The following PELI2 variants were observed in gnomAD, a reference collection of about 807,000 sequenced individuals.
PELI2 encodes the protein pellino E3 ubiquitin protein ligase family member 2.
In PELI2, 23 loss-of-function variants were observed where a neutral mutation model predicts 42.3. The ratio of observed to expected loss-of-function variants is 0.54; its 90% CI spans 0.39 to 0.77. PELI2 has a LOEUF of 0.77. PELI2 is among the 30% of genes least tolerant of loss of function. PELI2 has a pLI of 0.00. For missense variants in PELI2, 463 were observed against 553.2 expected, an observed-to-expected ratio of 0.84 and a Z score of 1.64; for synonymous variants, 245 against 212.2, an observed-to-expected ratio of 1.15 and a Z score of -1.34.
At chr14:56,153,837 G>A (rs1462659471) in intron 1 of PELI2, among the ~76,000 whole-genome samples, 1 of 152,158 alleles carries the variant, frequency 6.6e-6, no homozygotes, top group Non-Finnish European at 1.5e-5. Context: ...AGTGGTGTTT[G>A]TGAATGTAGG....
intron 1 of PELI2, among the ~76,000 whole-genome samples, chr14:56,176,840 C>T: frequency 6.6e-6 from 1 of 152,194 alleles, no homozygotes. Context: ...GAAAATGTTC[C>T]TCTAAGTTGT....
intron 3 of PELI2, among the ~76,000 whole-genome samples, chr14:56,284,547 G>A (rs1751498425): frequency 6.6e-6 from 1 of 152,078 alleles, no homozygotes; most frequent in African/African-American, 2.4e-5. Flanking sequence ...TTTTTGTTTG[G>A]TTTGGTTTGG....
At chr14:56,164,586 T>C (rs1884883517) in intron 1 of PELI2, among the ~76,000 whole-genome samples, 1 of 152,084 alleles carries the variant, frequency 6.6e-6, no homozygotes, top group African/African-American at 2.4e-5. Context: ...CCCTCCTCTA[T>C]TTTTTGGAAT....
chr14:56,131,203 A>G (rs1488588739), intron 1 of PELI2, among the ~76,000 whole-genome samples: 1 of 152,206 alleles, frequency 6.6e-6, no homozygotes, highest in Non-Finnish European at 1.5e-5. Context: ...GTCCAGGAAA[A>G]GTGCCTTTTA....
intron 1 of PELI2, among the ~76,000 whole-genome samples, chr14:56,156,868 A>G (rs2139632209): frequency 6.6e-6 from 1 of 152,344 alleles, no homozygotes; most frequent in South Asian, 2.1e-4. Context: ...CTCTCTGTGT[A>G]AGGCTGCAAA....
At chr14:56,245,156 A>G (rs1379947347) in intron 2 of PELI2, among the ~76,000 whole-genome samples, 1 of 152,232 alleles carries the variant, frequency 6.6e-6, no homozygotes, top group Non-Finnish European at 1.5e-5. Flanking sequence ...GGCGTTTAGT[A>G]AATTTTTCCA....
At chr14:56,200,751 C>T in intron 2 of PELI2, among the ~76,000 whole-genome samples, 1 of 152,172 alleles carries the variant, frequency 6.6e-6, no homozygotes. Flanking sequence ...TCTTAAAGTT[C>T]CTGTTAGACT....
chr14:56,144,051 T>C (rs2139608328), intron 1 of PELI2, among the ~76,000 whole-genome samples: 1 of 152,346 alleles, frequency 6.6e-6, no homozygotes, highest in African/African-American at 2.4e-5. Context: ...TATACATGTA[T>C]TTGTGTGTGT....
At chr14:56,158,359 C>T (rs569005880) in intron 1 of PELI2, among the ~76,000 whole-genome samples, 17 of 149,994 alleles carry the variant, frequency 1.1e-4, no homozygotes, top group South Asian at 8.4e-4. Context: ...TTTAATTTTT[C>T]GAGACAGGGT....
At chr14:56,165,525 G>C (rs543091588) in intron 1 of PELI2, among the ~76,000 whole-genome samples, 1 of 152,154 alleles carries the variant, frequency 6.6e-6, no homozygotes. Flanking sequence ...CCTTGAGAAT[G>C]ATCCATGTGC....
In PELI2 at chr14:56,273,781, T is replaced by C. The variant is rs1304467106; in HGVS notation, c.208-5895T>C. 1.3e-5 allele frequency among the ~76,000 whole-genome samples: 2 copies of C among 152,152 alleles called. No homozygotes were observed. Among genetic ancestry groups the C allele is most frequent in the African/African-American group, 2.4e-5 (1 of 41,426 alleles). On this transcript the variant is annotated intron_variant, in intron 2 of 5. Coordinates refer to ENST00000267460, the MANE Select transcript of PELI2 (RefSeq NM_021255.3). This position sits in a 1 kb window ranked among gnomAD's most constrained non-coding sequence, Gnocchi z 4.3. ...AAATAGGAAACCCAGAAGGAGAAAA[T>C]GTTTGAACCAAACCATGTAATGATG...
intron 1 of PELI2, among the ~76,000 whole-genome samples, chr14:56,166,391 A>T (rs970959264): frequency 2.0e-5 from 3 of 152,182 alleles, no homozygotes; most frequent in Non-Finnish European, 4.4e-5. Context: ...ACTTAGGATA[A>T]GAGTAGTTTA....
chr14:56,192,571 T>C (rs749134052), intron 2 of PELI2, among the ~76,000 whole-genome samples: 13 of 152,202 alleles, frequency 8.5e-5, no homozygotes, highest in Admixed American at 2.0e-4. Context: ...CCTGGAGGGC[T>C]ACTGATTTAG....
At chr14:56,257,015 T>G (rs1232487000) in intron 2 of PELI2, among the ~76,000 whole-genome samples, 2 of 152,224 alleles carry the variant, frequency 1.3e-5, no homozygotes, top group Non-Finnish European at 2.9e-5. Context: ...CAATATGAAT[T>G]TTAACGTTCA....
intron 2 of PELI2, among the ~76,000 whole-genome samples, chr14:56,218,409 C>T (rs1346773819): frequency 6.6e-6 from 1 of 152,206 alleles, no homozygotes; most frequent in South Asian, 2.1e-4. Context: ...CCAGGTGGAT[C>T]TTCTGATAAT....
intron 5 of PELI2, among the ~76,000 whole-genome samples, chr14:56,295,610 C>T (rs1889975131): frequency 6.6e-6 from 1 of 152,218 alleles, no homozygotes; most frequent in South Asian, 2.1e-4. Flanking sequence ...GACTGCGTAC[C>T]AGACAGTGTT....
intron 2 of PELI2, among the ~76,000 whole-genome samples, chr14:56,245,702 G>T (rs1017229258): frequency 1.3e-5 from 2 of 152,140 alleles, no homozygotes; most frequent in Non-Finnish European, 2.9e-5. Flanking sequence ...CTGTCCACAG[G>T]TTCTGCATCT....
chr14:56,263,390 A>C (rs930906548), intron 2 of PELI2, among the ~76,000 whole-genome samples: 3 of 152,208 alleles, frequency 2.0e-5, no homozygotes, highest in Non-Finnish European at 4.4e-5. Context: ...ACCAGAAGAC[A>C]AATTTCAGCC....
chr14:56,264,383 C>G (rs1389983830), intron 2 of PELI2, among the ~76,000 whole-genome samples: 2 of 152,112 alleles, frequency 1.3e-5, no homozygotes, highest in African/African-American at 4.8e-5. Flanking sequence ...GTGCTCTTGA[C>G]TGCGAGTTCA....
Sources: allele counts gnomAD v4.1 joint callset (sites outside exome capture counted in the v4.1 genomes callset), GRCh38; gene constraint gnomAD v4.1.1; non-coding constraint Gnocchi (gnomAD v3.1); transcripts MANE v1.5; gene names NCBI Gene and HGNC (gene_info 2026-07-23, HGNC 2026-07-21).